The following TNR variants were observed in gnomAD, a reference collection of about 807,000 sequenced individuals.
The protein encoded by TNR is tenascin-R.
A neutral mutation model predicts 150.4 loss-of-function variants in TNR; 45 were observed. The ratio of observed to expected loss-of-function variants is 0.30; its 90% CI spans 0.24 to 0.38. The LOEUF (loss-of-function observed/expected upper bound fraction) is 0.38. TNR is among the 10% of genes least tolerant of loss of function. TNR has a pLI of 1.00. For missense variants in TNR, 1,544 were observed against 1,759.1 expected, an observed-to-expected ratio of 0.88 and a Z score of 2.19; for synonymous variants, 687 against 678.4, an observed-to-expected ratio of 1.01 and a Z score of -0.20.
At chr1:175,553,062 CA>C (rs1299363503) in intron 1 of TNR, among the ~76,000 whole-genome samples, 3 of 152,158 alleles carry the variant, frequency 2.0e-5, no homozygotes, top group South Asian at 4.1e-4. Context: ...TCCACAAACA[CA>C]GGGGCTCTGG....
intron 1 of TNR, among the ~76,000 whole-genome samples, chr1:175,653,956 TA>T (rs1665094411): frequency 6.6e-6 from 1 of 152,230 alleles, no homozygotes; most frequent in African/African-American, 2.4e-5. Context: ...CCATTTATAA[TA>T]AAAGTAATTT....
chr1:175,696,294 C>T (rs113387959), intron 1 of TNR, among the ~76,000 whole-genome samples: 3,544 of 145,640 alleles, frequency 0.024, 147 homozygotes, highest in African/African-American at 0.085. Context: ...AAAGCCCCCA[C>T]AGGTAAATGG....
intron 1 of TNR, among the ~76,000 whole-genome samples, chr1:175,734,222 C>G (rs1218124805): frequency 6.6e-6 from 1 of 152,188 alleles, no homozygotes; most frequent in Non-Finnish European, 1.5e-5. Context: ...CAAAATACAC[C>G]CTTCCTGCCT....
chr1:175,365,723 T>C, intron 11 of TNR, 152 bp downstream of exon 11: 1 of 1,149,128 alleles, frequency 8.7e-7, no homozygotes, highest in Non-Finnish European at 1.2e-6. Context: ...TCCCTCTTGA[T>C]GCACTTATTA....
intron 1 of TNR, among the ~76,000 whole-genome samples, chr1:175,666,477 TCTC>T (rs961395466): frequency 4.7e-4 from 72 of 152,276 alleles, no homozygotes; most frequent in Non-Finnish European, 5.7e-4. Context: ...AGGCCAGTCA[TCTC>T]CTCTCTTCTC....
intron 1 of TNR, among the ~76,000 whole-genome samples, chr1:175,628,317 A>G (rs1378567205): frequency 2.0e-5 from 3 of 152,088 alleles, no homozygotes; most frequent in Non-Finnish European, 4.4e-5. Context: ...GATCTCTGAA[A>G]TCTGTGGCTT....
At chr1:175,705,071 G>T (rs944711616) in intron 1 of TNR, among the ~76,000 whole-genome samples, 2 of 152,134 alleles carry the variant, frequency 1.3e-5, no homozygotes, top group Non-Finnish European at 2.9e-5. Flanking sequence ...GGTCTCAAAC[G>T]TGAGCGCCTG....
At chr1:175,452,976 G>A (rs1359947378) in intron 2 of TNR, among the ~76,000 whole-genome samples, 8 of 152,128 alleles carry the variant, frequency 5.3e-5, no homozygotes, top group Admixed American at 3.9e-4. Context: ...GGGAGTTACC[G>A]TGTAATGGAT....
intron 1 of TNR, among the ~76,000 whole-genome samples, chr1:175,734,824 C>T (rs1434221141): frequency 6.6e-6 from 1 of 152,234 alleles, no homozygotes; most frequent in African/African-American, 2.4e-5. Context: ...CACCCCATGG[C>T]TGGCTCCAGA....
intron 1 of TNR, among the ~76,000 whole-genome samples, chr1:175,626,967 C>T (rs1347760299): frequency 6.6e-6 from 1 of 152,132 alleles, no homozygotes; most frequent in Non-Finnish European, 1.5e-5. Context: ...ATGCCTGGAG[C>T]CCCCAGAAGC....
At chr1:175,552,782 C>T (rs1347847339) in intron 1 of TNR, among the ~76,000 whole-genome samples, 1 of 152,228 alleles carries the variant, frequency 6.6e-6, no homozygotes, top group Non-Finnish European at 1.5e-5. Flanking sequence ...TCCTGAATTA[C>T]TCCCGTTCTG....
At chr1:175,616,117 T>C (rs1466526001) in intron 1 of TNR, among the ~76,000 whole-genome samples, 1 of 152,178 alleles carries the variant, frequency 6.6e-6, no homozygotes, top group Non-Finnish European at 1.5e-5. Flanking sequence ...AGGGGCCAAA[T>C]AGGCTTCCAG....
At chr1:175,415,145 CTTTTTTT>C (rs35109798) in intron 2 of TNR, among the ~76,000 whole-genome samples, 6 of 137,112 alleles carry the variant, frequency 4.4e-5, no homozygotes, top group Non-Finnish European at 8.0e-5. Context: ...TTTTTTTGTG[CTTTTTTT>C]TTTTTTTTTG....
intron 1 of TNR, among the ~76,000 whole-genome samples, chr1:175,709,293 T>TCACACACA (rs201842928): frequency 5.9e-5 from 8 of 135,230 alleles, no homozygotes; most frequent in East Asian, 4.7e-4. Flanking sequence ...TCCCTTGCTT[T>TCACACACA]CACACACACA....
chr1:175,716,408 C>T (rs139072065), intron 1 of TNR, among the ~76,000 whole-genome samples: 37 of 152,308 alleles, frequency 2.4e-4, no homozygotes, highest in Non-Finnish European at 5.0e-4. Context: ...TTTTCTCATT[C>T]CTGTGAAGGG....
chr1:175,715,225 T>A (rs1056674893), intron 1 of TNR, among the ~76,000 whole-genome samples: 7 of 152,232 alleles, frequency 4.6e-5, no homozygotes, highest in African/African-American at 1.7e-4. Context: ...AAGGGAGTAG[T>A]GACTGTGCTC....
intron 2 of TNR, among the ~76,000 whole-genome samples, chr1:175,493,174 C>T (rs903347732): frequency 2.0e-5 from 3 of 151,906 alleles, no homozygotes; most frequent in Non-Finnish European, 2.9e-5. Context: ...CAGGGTTGCA[C>T]GGAGCCCAGA....
At chr1:175,343,202 G>T (rs1033722465) in intron 18 of TNR, among the ~76,000 whole-genome samples, 1 of 152,044 alleles carries the variant, frequency 6.6e-6, no homozygotes, top group Non-Finnish European at 1.5e-5. Context: ...CCCTACCATG[G>T]CCTACAAAGC....
intron 6 of TNR, among the ~76,000 whole-genome samples, chr1:175,393,224 A>G (rs537940412): frequency 6.6e-6 from 1 of 152,370 alleles, no homozygotes; most frequent in African/African-American, 2.4e-5. Flanking sequence ...ATACTTTAAA[A>G]GTCATAGACT....
Sources: gnomAD v4.1 joint callset for allele counts (sites outside exome capture counted in the v4.1 genomes callset) on GRCh38, gnomAD v4.1.1 for gene constraint, MANE v1.5 for transcripts, NCBI Gene and HGNC (gene_info 2026-07-23, HGNC 2026-07-21) for gene names.